PRKCI: variants seen among roughly 807,000 people sequenced by gnomAD.
The protein encoded by PRKCI is protein kinase C iota, also known as protein kinase C iota type.
A neutral mutation model predicts 84.0 loss-of-function variants in PRKCI; 43 were observed. The observed-to-expected ratio is 0.51, with a 90% confidence interval of 0.40 to 0.66. PRKCI has a LOEUF of 0.66. PRKCI is among the 30% of genes least tolerant of loss of function. The pLI, the probability that PRKCI is intolerant of heterozygous loss-of-function variation, is 0.00. For synonymous variants in PRKCI, 216 were observed against 234.4 expected (o/e 0.92, Z 0.72); for missense variants, 459 against 745.6 (o/e 0.62, Z 4.48).
chr3:170,296,598 AT>A (rs1482219228), intron 15 of PRKCI, among the ~76,000 whole-genome samples: 2 of 152,190 alleles, frequency 1.3e-5, no homozygotes, highest in Admixed American at 1.3e-4. Flanking sequence ...GTTGATGTAC[AT>A]TTACCTTCTA....
intron 2 of PRKCI, among the ~76,000 whole-genome samples, chr3:170,246,329 T>A (rs544882287): frequency 6.6e-6 from 1 of 152,016 alleles, no homozygotes; most frequent in East Asian, 1.9e-4. Flanking sequence ...ATTTTTGTAC[T>A]TTTAGTGGAA....
At chr3:170,276,232 C>G (rs1291490853) in intron 8 of PRKCI, among the ~76,000 whole-genome samples, 2 of 152,144 alleles carry the variant, frequency 1.3e-5, no homozygotes, top group Middle Eastern at 3.4e-3. Context: ...AGCCACCATG[C>G]CCAGCCAAAA....
At chr3:170,267,836 A>T in intron 4 of PRKCI, 79 bp from the exon 5 acceptor site, 1 of 1,100,184 alleles carries the variant, frequency 9.1e-7, no homozygotes, top group Non-Finnish European at 1.3e-6. Flanking sequence ...TATCATGAAA[A>T]AATTACAGAC....
Position 170,278,172 on chromosome 3 carries a change from T to C in PRKCI, c.706-2055T>C, listed in dbSNP as rs1428648037. On this transcript the variant is annotated intron_variant, in intron 8 of 17. Transcript: ENST00000295797. Reference sequence around the variant, plus strand: ...CTATCATTTCATTCAGCCTTATTATTGTGTCGGTGAAGTTAACTCTATCTT... The same window carrying C: ...CTATCATTTCATTCAGCCTTATTATCGTGTCGGTGAAGTTAACTCTATCTT... 3.3e-5 allele frequency among the ~76,000 whole-genome samples: 5 copies of C among 152,256 alleles called. No homozygotes were observed. The East Asian group carries it at 9.6e-4, about 29-fold the overall frequency.
intron 1 of PRKCI, among the ~76,000 whole-genome samples, chr3:170,226,041 T>C (rs1459497519): frequency 2.6e-5 from 4 of 151,772 alleles, no homozygotes; most frequent in African/African-American, 9.7e-5. Context: ...GCCTCCCGAG[T>C]AGGTGGGACT....
chr3:170,240,374 A>G (rs1033052661), intron 2 of PRKCI, among the ~76,000 whole-genome samples: 1 of 152,044 alleles, frequency 6.6e-6, no homozygotes, highest in African/African-American at 2.4e-5. Flanking sequence ...ATTATAATGC[A>G]TTTCATACTT....
chr3:170,252,244 C>A (rs1418074334), intron 2 of PRKCI, among the ~76,000 whole-genome samples: 1 of 151,776 alleles, frequency 6.6e-6, no homozygotes, highest in African/African-American at 2.4e-5. Context: ...AGGAAAGATA[C>A]CCTGTTGGTT....
At position 170,281,195 on chromosome 3, in the gene PRKCI, T is replaced by G; in HGVS notation, c.912T>G (p.His304Gln). 1 of 1,613,566 alleles carries G rather than the reference T, an allele frequency of 6.2e-7. No homozygotes were observed. Among genetic ancestry groups the G allele is most frequent in the East Asian group, 2.2e-5 (1 of 44,852 alleles). ...TTGATTGGGTACAGACAGAGAAGCATGTGTTTGAGCAGGCATCCAATCATC... is the reference window on the plus strand; with the variant it reads ...TTGATTGGGTACAGACAGAGAAGCAGGTGTTTGAGCAGGCATCCAATCATC... ...EDIDWVQTEK[H>Q]VFEQASNHPF... Residue 304 changes from histidine to glutamine, a missense_variant, in exon 10 of 18, where the codon CAT becomes CAG. Coordinates refer to ENST00000295797, the MANE Select transcript of PRKCI (RefSeq NM_002740.6).
intron 2 of PRKCI, among the ~76,000 whole-genome samples, chr3:170,237,422 T>C (rs1465681340): frequency 1.3e-5 from 2 of 152,082 alleles, no homozygotes; most frequent in African/African-American, 4.8e-5. Context: ...GCCTACATAT[T>C]GGGTACAGTG....
chr3:170,251,578 C>G (rs1218555202), intron 2 of PRKCI, among the ~76,000 whole-genome samples: 1 of 152,094 alleles, frequency 6.6e-6, no homozygotes. Context: ...TTACTTTTCA[C>G]CTATTGGACT....
intron 2 of PRKCI, among the ~76,000 whole-genome samples, chr3:170,258,620 G>A (rs1733647080): frequency 6.6e-6 from 1 of 152,168 alleles, no homozygotes; most frequent in Non-Finnish European, 1.5e-5. Context: ...ACTGAGGAAT[G>A]CCATAGTCCA....
intron 13 of PRKCI, among the ~76,000 whole-genome samples, 153 bp downstream of exon 13, chr3:170,292,094 A>ATT (rs763776813): frequency 2.0e-5 from 3 of 152,200 alleles, no homozygotes; most frequent in Middle Eastern, 3.2e-3. Context: ...AGAGTCCCAG[A>ATT]CTTTGAAATC....
chr3:170,225,769 T>G (rs1026175588), intron 1 of PRKCI, among the ~76,000 whole-genome samples: 1 of 151,144 alleles, frequency 6.6e-6, no homozygotes, highest in Non-Finnish European at 1.5e-5. Flanking sequence ...ATAGCCAGCA[T>G]TTTTTTTAGT....
intron 13 of PRKCI, among the ~76,000 whole-genome samples, chr3:170,293,160 T>G (rs1223556644): frequency 2.7e-5 from 4 of 147,768 alleles, no homozygotes; most frequent in African/African-American, 5.3e-5. Flanking sequence ...AGAAAGAAAG[T>G]TTTTTTTTCT....
intron 11 of PRKCI, among the ~76,000 whole-genome samples, chr3:170,283,011 A>AGGAGAATCGCTTGAGCCCGGGAGGT (rs1553844278): frequency 2.0e-5 from 3 of 151,184 alleles, no homozygotes; most frequent in African/African-American, 4.8e-5. Flanking sequence ...AGGCTGAATT[A>AGGAGAATCGCTTGAGCCCGGGAGGT]GGAGAATCGC....
intron 5 of PRKCI, among the ~76,000 whole-genome samples, chr3:170,268,479 CAAAAA>C (rs77046182): frequency 3.0e-5 from 2 of 66,718 alleles, no homozygotes; most frequent in Non-Finnish European, 6.8e-5. Flanking sequence ...GACTCAGTTT[CAAAAA>C]AAAAAAAAAA....
chr3:170,286,009 C>A (rs1348391779), intron 12 of PRKCI, among the ~76,000 whole-genome samples: 1 of 151,810 alleles, frequency 6.6e-6, no homozygotes, highest in Non-Finnish European at 1.5e-5. Context: ...ACTGCAACCT[C>A]CACCTCCCAG....
chr3:170,258,431 G>C (rs766481052), intron 2 of PRKCI, among the ~76,000 whole-genome samples: 16 of 151,748 alleles, frequency 1.1e-4, no homozygotes, highest in Non-Finnish European at 1.2e-4. Context: ...TTAGCCTCCC[G>C]AGTAGCTGGG....
chr3:170,297,481 G>A (rs889093979), intron 16 of PRKCI, 88 bp downstream of exon 16: 8 of 1,059,628 alleles, frequency 7.5e-6, no homozygotes, highest in Non-Finnish European at 1.1e-5. Flanking sequence ...TTTAGACAGA[G>A]TCTTGCTCTG....
Sources: allele counts gnomAD v4.1 joint callset (sites outside exome capture counted in the v4.1 genomes callset), GRCh38; gene constraint gnomAD v4.1.1; transcripts MANE v1.5; gene names NCBI Gene and HGNC (gene_info 2026-07-23, HGNC 2026-07-21).